Variants in BRD4 observed in about 807,000 individuals in gnomAD.
BRD4 encodes the protein bromodomain containing 4.
BRD4 carries 16 observed loss-of-function variants against 142.1 expected under a neutral mutation model. The observed-to-expected ratio is 0.11, with a 90% CI of 0.08 to 0.17. The LOEUF (loss-of-function observed/expected upper bound fraction) is 0.17. BRD4 is among the 10% of genes least tolerant of loss of function. The pLI is 1.00. For missense variants in BRD4, 1,424 were observed against 1,810.9 expected (o/e 0.79, Z 3.88); for synonymous variants, 833 against 707.5 (o/e 1.18, Z -2.82).
intron 1 of BRD4, among the ~76,000 whole-genome samples, chr19:15,306,145 A>G: frequency 6.6e-6 from 1 of 152,194 alleles, no homozygotes; most frequent in East Asian, 1.9e-4. Flanking sequence ...AGGTTGTTTC[A>G]CTTTCTTATC....
intron 11 of BRD4, chr19:15,253,558 C>T: frequency 5.1e-6 from 8 of 1,559,306 alleles, no homozygotes; most frequent in Non-Finnish European, 6.0e-6. Context: ...AGGGCAGATT[C>T]AGGAGCAGCC....
intron 1 of BRD4, among the ~76,000 whole-genome samples, chr19:15,315,122 C>T (rs1346229654): frequency 2.0e-5 from 3 of 152,020 alleles, no homozygotes; most frequent in African/African-American, 7.2e-5. Context: ...GGAGTTTAAC[C>T]ACTTCTACCA....
chr19:15,244,257 T>C lies in BRD4; in HGVS notation c.2555A>G (p.Asn852Ser). The C allele has an allele frequency of 6.3e-7, 1 of 1,579,070 alleles. No individual in the cohort carries two copies. Among genetic ancestry groups the C allele is most frequent in the Non-Finnish European group, 8.6e-7 (1 of 1,165,100 alleles). Residue 852 changes from asparagine (N) to serine (S), a missense_variant, in exon 13 of 20, where the codon AAC becomes AGC. Coordinates refer to ENST00000679869, the MANE Select transcript of BRD4 (RefSeq NM_001379291.1). The part of the protein sequence containing the change: ...PPEHSTPPHL[N>S]QHAVVSPPAL... ...TGGAGGAGAGACCACTGCGTGCTGGTTGAGATGGGGTGGAGTGCTGTGCTC... is the reference window on the plus strand; with the variant it reads ...TGGAGGAGAGACCACTGCGTGCTGGCTGAGATGGGGTGGAGTGCTGTGCTC...
intron 11 of BRD4, chr19:15,247,274 G>A (rs562873391): frequency 6.1e-5 from 12 of 197,724 alleles, no homozygotes; most frequent in East Asian, 2.3e-4. Flanking sequence ...GCCGCCTCCC[G>A]CCCCTCCTCA....
rs1409628708 is a variant in BRD4 at position 15,235,762 on chromosome 19, G to A, written c.*2615C>T. ...CTAAGATTTCTAGTACTGTGGGAAG[G>A]GTTGGGAAATGGCTGGAGAAATTAA... On this transcript the variant is annotated 3_prime_UTR_variant, in exon 20 of 20. Coordinates refer to ENST00000679869, the MANE Select transcript of BRD4 (RefSeq NM_001379291.1). 6.6e-6 allele frequency: 1 copy of A among 152,158 alleles called. No individual in the cohort carries two copies. Among genetic ancestry groups the A allele is most frequent in the Admixed American group, 6.5e-5 (1 of 15,272 alleles). 9.4% of individuals were successfully genotyped at this position (152,158 alleles called of 1,614,324 possible).
At position 15,263,532 on chromosome 19, in the gene BRD4, C is replaced by A. The variant is rs199679781; in HGVS notation, c.1229G>T (p.Arg410Leu). 2.5e-6 allele frequency: 4 copies of A among 1,614,190 alleles called. No individual in the cohort carries two copies. The highest frequency in any genetic ancestry group is 2.2e-5 in the East Asian group (1 of 44,882). Residue 410 changes from arginine to leucine, a missense_variant, in exon 7 of 20, where the codon CGT becomes CTT. This residue lies in a region of BRD4 where 26 missense variants were observed against 20.2 expected (regional missense o/e 1.29). Coordinates refer to ENST00000679869, the MANE Select transcript of BRD4 (RefSeq NM_001379291.1). ...MSTIKSKLEA[R>L]EYRDAQEFGA... ...AAACTCCTGAGCATCACGGTACTCA[C>A]GGGCCTCCAGTTTAGACTGGAAAAC...
At chr19:15,329,268 T>G (rs1437376841) in intron 1 of BRD4, among the ~76,000 whole-genome samples, 1 of 152,152 alleles carries the variant, frequency 6.6e-6, no homozygotes, top group Non-Finnish European at 1.5e-5. Context: ...ATCTTTCCTT[T>G]TTACAGATTT....
At chr19:15,245,992 G>A (rs2047282296) in intron 11 of BRD4, among the ~76,000 whole-genome samples, 1 of 152,188 alleles carries the variant, frequency 6.6e-6, no homozygotes, top group South Asian at 2.1e-4. Flanking sequence ...AAAGGGATGG[G>A]GAAGGACCTT....
intron 1 of BRD4, among the ~76,000 whole-genome samples, chr19:15,328,643 T>G (rs2145018425): frequency 6.6e-6 from 1 of 152,338 alleles, no homozygotes; most frequent in Middle Eastern, 3.4e-3. Context: ...GCATGCAAAA[T>G]TCTTGCTCAA....
chr19:15,326,998 A>C (rs2048113799), intron 1 of BRD4, among the ~76,000 whole-genome samples: 1 of 152,230 alleles, frequency 6.6e-6, no homozygotes, highest in Non-Finnish European at 1.5e-5. Flanking sequence ...TGCACAATGT[A>C]AAAAACCAAA....
At chr19:15,271,801 C>T (rs961920284) in intron 2 of BRD4, among the ~76,000 whole-genome samples, 1 of 151,318 alleles carries the variant, frequency 6.6e-6, no homozygotes, top group African/African-American at 2.5e-5. Context: ...TATCTTCCCC[C>T]GAGTGCTTGA....
rs987111459 is a variant in BRD4, at chr19:15,243,148, G to GGCTGCTGCTGCA, written c.2909_2920dup (p.Leu970_Gln973dup). 4.5e-6 allele frequency: 5 copies of GGCTGCTGCTGCA among 1,117,890 alleles called. No individual in the cohort carries two copies. Among genetic ancestry groups the GGCTGCTGCTGCA allele is most frequent in the Non-Finnish European group, 6.1e-6 (5 of 815,178 alleles). 69.2% of individuals were successfully genotyped at this position (1,117,890 alleles called of 1,614,324 possible). A position where few individuals can be genotyped will look rare whatever the true frequency, so the allele number is the denominator to read the frequency against. On this transcript the variant is annotated inframe_insertion, in exon 14 of 20. Coordinates refer to ENST00000679869, the MANE Select transcript of BRD4 (RefSeq NM_001379291.1). ...GGGCTGGGGTGGTGGGGGTGGTGGC[G>GGCTGCTGCTGCA]GCTGCTGCTGCAGCTGCTGCTGCAC... is the stretch of plus-strand genomic sequence containing the variant.
At chr19:15,322,840 C>A (rs2048074581) in intron 1 of BRD4, among the ~76,000 whole-genome samples, 1 of 138,940 alleles carries the variant, frequency 7.2e-6, no homozygotes, top group Non-Finnish European at 1.5e-5. Flanking sequence ...GCACTCTAGC[C>A]TGGGAGATAG....
rs141513213 is a variant in BRD4, at chr19:15,239,479, C to T, written c.3489G>A (p.Arg1163=). Residue 1163 remains arginine (R), a synonymous_variant, in exon 17 of 20, where the codon CGG becomes CGA. Coordinates refer to ENST00000679869, the MANE Select transcript of BRD4 (RefSeq NM_001379291.1). The surrounding 1 kb of genome is among the most constrained non-coding windows in gnomAD (Gnocchi z 7.4). ...GTGGCGGTGCGTTCTGCTCTGGGGG[C>T]CGGATCACAGGCCTCCCGACATCCA... ...KPVDVGRPVI[R]PPEQNAPPPG... is the part of the protein sequence containing the mutation. 7.2e-4 allele frequency: 1,169 copies of T among 1,614,034 alleles called. 18 individuals are homozygous for T. The African/African-American group carries it at 0.014, about 19-fold the overall frequency.
chr19:15,312,044 T>C (rs901640149), intron 1 of BRD4, among the ~76,000 whole-genome samples: 12 of 152,354 alleles, frequency 7.9e-5, no homozygotes, highest in African/African-American at 2.9e-4. Context: ...GGTTAGGATG[T>C]TGCATTTTAT....
rs930868003 is a variant in BRD4, at chr19:15,310,062, AT to A, written c.-35+22227del. ...TGAGGCAATGCATAGAGAAATGTTA[AT>A]TCTGTGAGCCTTTTCAAGGTGACAT... On this transcript the variant is annotated intron_variant, in intron 1 of 19. Transcript: ENST00000679869. Among the ~76,000 whole-genome samples, 212 of 152,192 alleles carry A rather than the reference AT, an allele frequency of 1.4e-3. 1 individual carries two copies. The highest frequency in any genetic ancestry group is 4.8e-3 in the African/African-American group (200 of 41,550).
chr19:15,323,178 T>TAAC (rs1555748004), intron 1 of BRD4, among the ~76,000 whole-genome samples: 1 of 73,050 alleles, frequency 1.4e-5, no homozygotes, highest in Non-Finnish European at 2.4e-5. Context: ...TCCATCTCTT[T>TAAC]AAAAAAAAAA....
At position 15,264,488 on chromosome 19, in the gene BRD4, G is replaced by A. The variant is rs927091379; in HGVS notation, c.1128C>T (p.Phe376=). The A allele has an allele frequency of 3.1e-6, 5 of 1,614,038 alleles. No individual in the cohort carries two copies. In the African/African-American group the frequency reaches 5.3e-5, roughly 17 times the overall value. The change falls in exon 6 of 20, where the codon TTC becomes TTT. Residue 376 remains phenylalanine, a synonymous_variant. Coordinates refer to ENST00000679869, the MANE Select transcript of BRD4 (RefSeq NM_001379291.1). ...GTGCCTCCACGTCCACAGGCTTGTA[G>A]AAGGGCCAGGCGTAGGCGGCGTGCT... ...AKKHAAYAWP[F]YKPVDVEALG...
intron 9 of BRD4, 72 bp downstream of exon 9, chr19:15,255,992 G>A: frequency 6.3e-7 from 1 of 1,575,380 alleles, no homozygotes; most frequent in South Asian, 1.2e-5. Flanking sequence ...GGGAGGGGCA[G>A]TGGCCCACAC....
Sources: allele counts gnomAD v4.1 joint callset (sites outside exome capture counted in the v4.1 genomes callset), GRCh38; gene constraint gnomAD v4.1.1; regional missense constraint gnomAD v4.1.1; non-coding constraint Gnocchi (gnomAD v3.1); transcripts MANE v1.5; gene names NCBI Gene and HGNC (gene_info 2026-07-23, HGNC 2026-07-21).